FGF14: variants seen among roughly 807,000 people sequenced by gnomAD.
The protein encoded by FGF14 is fibroblast growth factor 14, also known as fibroblast growth factor homologous factor 4.
FGF14 carries 5 observed loss-of-function variants against 25.5 expected under a neutral mutation model. That is an observed-to-expected ratio of 0.20 (90% CI 0.10 to 0.41). The LOEUF (loss-of-function observed/expected upper bound fraction) is 0.41, where lower values mean the gene tolerates loss of function less well. Ranked by LOEUF, FGF14 falls within the 10% of genes least tolerant of loss-of-function variation. The pLI is 1.00. For synonymous variants in FGF14, 138 were observed against 118.3 expected (o/e 1.17, Z -1.08); for missense variants, 222 against 320.1 (o/e 0.69, Z 2.34).
intron 1 of FGF14, among the ~76,000 whole-genome samples, chr13:102,114,607 G>A (rs888592127): frequency 5.9e-5 from 9 of 152,182 alleles, no homozygotes; most frequent in South Asian, 2.1e-4. Flanking sequence ...ATCAACAGAG[G>A]AATGGATAAA....
intron 3 of FGF14, among the ~76,000 whole-genome samples, chr13:101,827,277 T>G (rs1386477976): frequency 6.6e-6 from 1 of 151,938 alleles, no homozygotes; most frequent in Non-Finnish European, 1.5e-5. Context: ...TTCTTTATAT[T>G]TACAATGCAC....
chr13:102,033,053 G>T (rs935793257), intron 1 of FGF14, among the ~76,000 whole-genome samples: 1 of 152,022 alleles, frequency 6.6e-6, no homozygotes, highest in Non-Finnish European at 1.5e-5. Flanking sequence ...TCATACACAA[G>T]AAAAATGCCT....
chr13:102,201,416 C>T (rs1218664261), intron 1 of FGF14, among the ~76,000 whole-genome samples: 1 of 152,074 alleles, frequency 6.6e-6, no homozygotes, highest in African/African-American at 2.4e-5. Flanking sequence ...CAAAGGAAAG[C>T]AGCTACCATC....
intron 1 of FGF14, among the ~76,000 whole-genome samples, chr13:102,289,917 T>TTC (rs1198495220): frequency 6.6e-6 from 1 of 152,002 alleles, no homozygotes; most frequent in East Asian, 1.9e-4. Context: ...CTCTCTGCCT[T>TTC]TCTCTCTCTC....
chr13:102,038,105 T>C (rs931485067), intron 1 of FGF14, among the ~76,000 whole-genome samples: 8 of 152,258 alleles, frequency 5.3e-5, no homozygotes, highest in Admixed American at 3.9e-4. Flanking sequence ...CAAAGGAAGA[T>C]TGCATTATTT....
At chr13:102,309,666 T>C (rs1375522209) in intron 1 of FGF14, among the ~76,000 whole-genome samples, 1 of 152,334 alleles carries the variant, frequency 6.6e-6, no homozygotes, top group East Asian at 1.9e-4. Context: ...TAATAAACAA[T>C]ATGCTAAAAT....
At chr13:102,394,519 C>T (rs1448492836) in intron 1 of FGF14, 1 of 152,422 alleles carries the variant, frequency 6.6e-6, no homozygotes, top group African/African-American at 2.4e-5. Context: ...TCCATAGCAA[C>T]AACAGCACAA....
intron 1 of FGF14, 145 bp downstream of exon 1, chr13:101,916,308 C>T (rs2033479220): frequency 5.0e-6 from 5 of 1,000,314 alleles, no homozygotes; most frequent in Non-Finnish European, 7.7e-6. Flanking sequence ...CCAGGGTCCC[C>T]GCGACGGCAC....
chr13:102,145,216 T>C, intron 1 of FGF14, among the ~76,000 whole-genome samples: 1 of 152,222 alleles, frequency 6.6e-6, no homozygotes, highest in South Asian at 2.1e-4. Flanking sequence ...AATTAAGTTA[T>C]GACAATCATG....
chr13:101,720,864 CTT>C lies in FGF14; in HGVS notation c.*1965_*1966del, dbSNP rs1332144253. 6.6e-6 allele frequency: 1 copy of C among 152,062 alleles called. No individual in the cohort carries two copies. Among genetic ancestry groups the C allele is most frequent in the Admixed American group, 6.6e-5 (1 of 15,244 alleles). The allele number at this position is 152,062 out of a possible 1,614,324, so 9.4% of individuals were successfully genotyped here. Reference sequence around the variant, plus strand: ...TAAATCTACTCAAACGTTCTGCTAACTTTTTATTTATTCAAGTAGAATCCAAT... The same window carrying C: ...TAAATCTACTCAAACGTTCTGCTAACTTTATTTATTCAAGTAGAATCCAAT... On this transcript the variant is annotated 3_prime_UTR_variant, in exon 5 of 5. Transcript: ENST00000376143.
chr13:102,069,941 T>C (rs2043087104), intron 1 of FGF14, among the ~76,000 whole-genome samples: 1 of 152,060 alleles, frequency 6.6e-6, no homozygotes, highest in South Asian at 2.1e-4. Flanking sequence ...AAAGAAAACA[T>C]TGGGGAAATT....
chr13:102,100,504 C>A (rs892216040), intron 1 of FGF14, among the ~76,000 whole-genome samples: 2 of 152,186 alleles, frequency 1.3e-5, no homozygotes, highest in Non-Finnish European at 2.9e-5. Context: ...GTCAGGTGCA[C>A]AGACAAGGCT....
intron 3 of FGF14, among the ~76,000 whole-genome samples, chr13:101,814,705 C>A (rs1176974380): frequency 6.6e-6 from 1 of 152,130 alleles, no homozygotes; most frequent in East Asian, 1.9e-4. Flanking sequence ...TTCTTTCACC[C>A]AGCATAATGT....
chr13:101,885,147 C>T (rs537123918), intron 1 of FGF14, among the ~76,000 whole-genome samples: 15 of 152,146 alleles, frequency 9.9e-5, no homozygotes, highest in East Asian at 1.9e-4. Context: ...TGGAGTTGCA[C>T]GCAGTCCAGG....
intron 3 of FGF14, among the ~76,000 whole-genome samples, chr13:101,864,294 C>T (rs904650558): frequency 1.3e-5 from 2 of 152,078 alleles, no homozygotes; most frequent in Admixed American, 6.6e-5. Context: ...GTTAGAAAAT[C>T]CAAATATTTA....
chr13:102,346,239 AAATAGGT>A (rs2057102137), intron 1 of FGF14, among the ~76,000 whole-genome samples: 1 of 152,230 alleles, frequency 6.6e-6, no homozygotes, highest in Non-Finnish European at 1.5e-5. Flanking sequence ...AAGACATTGT[AAATAGGT>A]ATATTCATAA....
intron 1 of FGF14, among the ~76,000 whole-genome samples, chr13:102,379,776 T>C (rs1031982461): frequency 2.0e-5 from 3 of 152,142 alleles, no homozygotes; most frequent in African/African-American, 7.2e-5. Flanking sequence ...TGTACTTTTC[T>C]CTGGCAATGT....
chr13:102,019,143 G>T (rs1447885592), intron 1 of FGF14, among the ~76,000 whole-genome samples: 2 of 152,088 alleles, frequency 1.3e-5, no homozygotes, highest in Admixed American at 1.3e-4. Flanking sequence ...TGAGAATATA[G>T]TCAGTTGGTC....
At chr13:102,274,719 A>G (rs1309916515) in intron 1 of FGF14, among the ~76,000 whole-genome samples, 1 of 152,074 alleles carries the variant, frequency 6.6e-6, no homozygotes, top group Non-Finnish European at 1.5e-5. Context: ...TACTAAAAGA[A>G]GCCATTGGCC....
Sources: gnomAD v4.1 joint callset for allele counts (sites outside exome capture counted in the v4.1 genomes callset) on GRCh38, gnomAD v4.1.1 for gene constraint, MANE v1.5 for transcripts, NCBI Gene and HGNC (gene_info 2026-07-23, HGNC 2026-07-21) for gene names.